The following ALX4 variants were observed in gnomAD, a reference collection of about 807,000 sequenced individuals.
The protein encoded by ALX4 is ALX homeobox 4, also known as homeobox protein aristaless-like 4.
ALX4 carries 22 observed loss-of-function variants against 40.6 expected under a neutral mutation model. The ratio of observed to expected loss-of-function variants is 0.54; its 90% CI spans 0.39 to 0.77. ALX4 has a LOEUF of 0.77. Ranked by LOEUF, ALX4 falls within the 30% of genes least tolerant of loss-of-function variation. ALX4 has a pLI of 0.00. For missense variants in ALX4, 556 were observed against 564.8 expected (o/e 0.98, Z 0.16); for synonymous variants, 266 against 240.5 (o/e 1.11, Z -0.98).
chr11:44,266,698 G>A (rs1283973258), intron 3 of ALX4, among the ~76,000 whole-genome samples: 1 of 152,170 alleles, frequency 6.6e-6, no homozygotes, highest in Non-Finnish European at 1.5e-5. Context: ...TGCTGGGCAG[G>A]CTGAGTGGGG....
At chr11:44,293,706 C>T (rs2119860652) in intron 1 of ALX4, among the ~76,000 whole-genome samples, 1 of 152,378 alleles carries the variant, frequency 6.6e-6, no homozygotes, top group East Asian at 1.9e-4. Context: ...CCACCTGCCA[C>T]ATGGTACAAG....
At chr11:44,294,209 G>A (rs780816932) in intron 1 of ALX4, among the ~76,000 whole-genome samples, 1 of 152,232 alleles carries the variant, frequency 6.6e-6, no homozygotes, top group African/African-American at 2.4e-5. Flanking sequence ...ATATCTCCCA[G>A]TGGGTTTCCA....
At chr11:44,304,723 G>T (rs1956456257) in intron 1 of ALX4, among the ~76,000 whole-genome samples, 1 of 152,240 alleles carries the variant, frequency 6.6e-6, no homozygotes, top group African/African-American at 2.4e-5. Context: ...GCGGCTGAGG[G>T]CAGGAAGGCG....
At chr11:44,301,109 T>A (rs1285228779) in intron 1 of ALX4, among the ~76,000 whole-genome samples, 1 of 152,250 alleles carries the variant, frequency 6.6e-6, no homozygotes, top group Non-Finnish European at 1.5e-5. Context: ...CCCACAAGGC[T>A]TGGCATAGTG....
At chr11:44,286,484 G>A (rs1476547812) in intron 1 of ALX4, among the ~76,000 whole-genome samples, 1 of 152,112 alleles carries the variant, frequency 6.6e-6, no homozygotes, top group African/African-American at 2.4e-5. Context: ...TGTGCATGCT[G>A]GCCACCAGGA....
At chr11:44,294,459 G>C (rs189130058) in intron 1 of ALX4, among the ~76,000 whole-genome samples, 1 of 152,358 alleles carries the variant, frequency 6.6e-6, no homozygotes, top group African/African-American at 2.4e-5. Flanking sequence ...AGCAGGGAGA[G>C]AGTTATTCCC....
intron 1 of ALX4, among the ~76,000 whole-genome samples, chr11:44,290,239 A>G (rs1956361761): frequency 6.6e-6 from 1 of 152,204 alleles, no homozygotes; most frequent in Non-Finnish European, 1.5e-5. Context: ...AAGACACTGT[A>G]ATATCACTTT....
rs1332983468 is a variant in ALX4, at chr11:44,288,273, A to G, written c.467-12615T>C. ...AAACAGAGCATATGCACAGAGAGAG[A>G]CACAGAGAGAGACCCAGAGAGATTG... On this transcript the variant is annotated intron_variant, in intron 1 of 3. Coordinates refer to ENST00000652299, the MANE Select transcript of ALX4 (RefSeq NM_021926.4). Among the ~76,000 whole-genome samples, 3 of 152,122 alleles carry G rather than the reference A, an allele frequency of 2.0e-5. No individual in the cohort carries two copies. In the East Asian group the frequency reaches 5.8e-4, roughly 29 times the overall value.
At chr11:44,298,800 A>G (rs1956418477) in intron 1 of ALX4, among the ~76,000 whole-genome samples, 1 of 152,142 alleles carries the variant, frequency 6.6e-6, no homozygotes, top group Non-Finnish European at 1.5e-5. Flanking sequence ...CCTGCAAAAA[A>G]AAAAAAATCA....
rs1008908597 is a variant in ALX4, at chr11:44,263,962, C to T, written c.*892G>A. ...AGCTGCCCAGACCTCCCCGCTGTAC[C>T]AGATGCCAGGCAGGCCGGAGAGCGG... On this transcript the variant is annotated 3_prime_UTR_variant, in exon 4 of 4. Coordinates refer to ENST00000652299, the MANE Select transcript of ALX4 (RefSeq NM_021926.4). 1.3e-5 allele frequency: 2 copies of T among 152,446 alleles called. No individual in the cohort carries two copies. The highest frequency in any genetic ancestry group is 4.8e-5 in the African/African-American group (2 of 41,468). 9.4% of individuals were successfully genotyped at this position (152,446 alleles called of 1,614,324 possible). A position where few individuals can be genotyped will look rare whatever the true frequency, so the allele number is the denominator to read the frequency against.
rs1179921493 is a variant in ALX4, at chr11:44,260,572, C to T, written c.*4282G>A. 2 of 152,210 alleles carry T rather than the reference C, an allele frequency of 1.3e-5. No homozygotes were observed. The highest frequency in any genetic ancestry group is 4.8e-5 in the African/African-American group (2 of 41,444). 9.4% of individuals were successfully genotyped at this position (152,210 alleles called of 1,614,324 possible). ...TTGCCCCATGCCTGGGCCCCTACATCTCCTTCCCATCCGTGTTCCTCCTCT... is the reference window on the plus strand; with the variant it reads ...TTGCCCCATGCCTGGGCCCCTACATTTCCTTCCCATCCGTGTTCCTCCTCT... On this transcript the variant is annotated 3_prime_UTR_variant, in exon 4 of 4. Coordinates refer to ENST00000652299, the MANE Select transcript of ALX4 (RefSeq NM_021926.4).
chr11:44,293,543 C>G (rs766823468), intron 1 of ALX4, among the ~76,000 whole-genome samples: 6 of 152,234 alleles, frequency 3.9e-5, no homozygotes, highest in Non-Finnish European at 7.3e-5. Context: ...GGATGGATCC[C>G]CTGCAACGGG....
rs755986390 is a variant in ALX4, at chr11:44,260,978, G to C, written c.*3876C>G. Reference sequence around the variant, plus strand: ...GTAGTATAAAGGCCTAGCTCTATGTGTGTGAGTGAAGAGGGAAGAAAGGAG... The same window carrying C: ...GTAGTATAAAGGCCTAGCTCTATGTCTGTGAGTGAAGAGGGAAGAAAGGAG... On this transcript the variant is annotated 3_prime_UTR_variant, in exon 4 of 4. Transcript: ENST00000652299. 1 of 152,210 alleles carries C rather than the reference G, an allele frequency of 6.6e-6. No individual in the cohort carries two copies. Among genetic ancestry groups the C allele is most frequent in the Non-Finnish European group, 1.5e-5 (1 of 68,050 alleles). The allele number at this position is 152,210 out of a possible 1,614,324, so 9.4% of individuals were successfully genotyped here.
At position 44,264,794 on chromosome 11, in the gene ALX4, C is replaced by G; in HGVS notation, c.*60G>C. ...GAAAGTCGAGTGGGAGGCTGGGGGC[C>G]TGGAAAACATGGGCGTGGCCCATGG... On this transcript the variant is annotated 3_prime_UTR_variant, in exon 4 of 4. Transcript: ENST00000652299. The G allele has an allele frequency of 6.3e-7, 1 of 1,586,712 alleles. No individual in the cohort carries two copies. The highest frequency in any genetic ancestry group is 1.1e-5 in the South Asian group (1 of 89,548).
chr11:44,301,226 C>A (rs1312351776), intron 1 of ALX4, among the ~76,000 whole-genome samples: 1 of 152,232 alleles, frequency 6.6e-6, no homozygotes, highest in Non-Finnish European at 1.5e-5. Flanking sequence ...TCTCTTCCAA[C>A]CTTGAGTGAG....
chr11:44,293,143 GGAAGGAAGGAAGGAAGGAAGGAAGGAA>G (rs1161360112), intron 1 of ALX4, among the ~76,000 whole-genome samples: 23 of 82,794 alleles, frequency 2.8e-4, no homozygotes, highest in African/African-American at 6.6e-4. Context: ...AAGGAAGGAA[GGAAGGAAGGAAGGAAGGAAGGAAGGAA>G]GCAGGCAGGC....
chr11:44,272,296 G>A (rs1171840134), intron 2 of ALX4, among the ~76,000 whole-genome samples: 1 of 151,772 alleles, frequency 6.6e-6, no homozygotes, highest in African/African-American at 2.4e-5. Flanking sequence ...CCTGAGGTCA[G>A]GAGTTGAAGA....
chr11:44,302,625 G>A (rs1299590333), intron 1 of ALX4, among the ~76,000 whole-genome samples: 2 of 152,180 alleles, frequency 1.3e-5, no homozygotes, highest in South Asian at 2.1e-4. Flanking sequence ...CAGGGGCCAT[G>A]AGCCCGGGGC....
chr11:44,272,836 G>A (rs1424605255), intron 2 of ALX4, among the ~76,000 whole-genome samples: 1 of 151,914 alleles, frequency 6.6e-6, no homozygotes, highest in Non-Finnish European at 1.5e-5. Flanking sequence ...AAAAAAAATG[G>A]CAGGCTGCCC....
Sources: gnomAD v4.1 joint callset for allele counts (sites outside exome capture counted in the v4.1 genomes callset) on GRCh38, gnomAD v4.1.1 for gene constraint, MANE v1.5 for transcripts, NCBI Gene and HGNC (gene_info 2026-07-23, HGNC 2026-07-21) for gene names.